The following ETS1 variants were observed in gnomAD, a reference collection of about 807,000 sequenced individuals.
ETS1 encodes the protein protein C-ets-1.
In ETS1, 15 loss-of-function variants were observed where a neutral mutation model predicts 58.6. The ratio of observed to expected loss-of-function variants is 0.26; its 90% CI spans 0.17 to 0.39. The LOEUF (loss-of-function observed/expected upper bound fraction) is 0.39, where lower values mean the gene tolerates loss of function less well. Ranked by LOEUF, ETS1 falls within the 10% of genes least tolerant of loss-of-function variation. ETS1 has a pLI of 1.00. For synonymous variants in ETS1, 214 were observed against 218.2 expected (o/e 0.98, Z 0.17); for missense variants, 417 against 610.5 (o/e 0.68, Z 3.34).
chr11:128,471,781 GAT>G (rs1470755637), intron 8 of ETS1, among the ~76,000 whole-genome samples: 1 of 152,188 alleles, frequency 6.6e-6, no homozygotes, highest in African/African-American at 2.4e-5. Flanking sequence ...AAGAAAGAAA[GAT>G]ATGTTCACTG....
At chr11:128,520,154 C>T (rs575927726) in intron 3 of ETS1, among the ~76,000 whole-genome samples, 1 of 152,286 alleles carries the variant, frequency 6.6e-6, no homozygotes, top group East Asian at 1.9e-4. Context: ...GAATAGAAAG[C>T]TAAAGAAAGT....
intron 2 of ETS1, among the ~76,000 whole-genome samples, chr11:128,561,714 A>C (rs780329470): frequency 2.6e-5 from 4 of 152,244 alleles, no homozygotes; most frequent in Non-Finnish European, 5.9e-5. Context: ...ATGTTTATGC[A>C]GTGAAAATGG....
rs1022766045 is a variant in ETS1 at position 128,569,504 on chromosome 11, G to A, written c.69+3558C>T. On this transcript the variant is annotated intron_variant, in intron 2 of 9. Coordinates refer to ENST00000392668, the MANE Select transcript of ETS1 (RefSeq NM_001143820.2). Reference sequence around the variant, plus strand: ...GACTTTCTTATCTAGGAAAGTTAATGAAGCTATGCTTACCCCTCCAGGGTA... The same window carrying A: ...GACTTTCTTATCTAGGAAAGTTAATAAAGCTATGCTTACCCCTCCAGGGTA... Among the ~76,000 whole-genome samples the A allele has an allele frequency of 4.0e-5, 6 of 151,576 alleles. 1 individual carries two copies. The highest frequency in any genetic ancestry group is 1.5e-4 in the African/African-American group (6 of 41,306).
chr11:128,571,515 A>G lies in ETS1; in HGVS notation c.69+1547T>C, dbSNP rs1859384663. On this transcript the variant is annotated intron_variant, in intron 2 of 9. Transcript: ENST00000392668. ...CAAGACTCCGTCAAAAAAAAAAAAAAAAAAAAAAAAAAAAAAAAAAAAAAA... is the reference window on the plus strand; with the variant it reads ...CAAGACTCCGTCAAAAAAAAAAAAAGAAAAAAAAAAAAAAAAAAAAAAAAA... 2.0e-3 allele frequency among the ~76,000 whole-genome samples: 18 copies of G among 9,098 alleles called. 2 individuals carry two copies. The highest frequency in any genetic ancestry group is 8.1e-3 in the African/African-American group (16 of 1,972). The allele number at this position is 9,098 out of a possible 152,430, so 6.0% of individuals were successfully genotyped here.
chr11:128,488,138 C>T (rs141949482), intron 5 of ETS1, among the ~76,000 whole-genome samples: 188 of 152,280 alleles, frequency 1.2e-3, no homozygotes, highest in South Asian at 3.7e-3. Flanking sequence ...CCTGCCGTAT[C>T]GTTTCCCTCT....
At chr11:128,490,648 G>A (rs1295663120) in intron 3 of ETS1, 72 bp from the exon 4 acceptor site, 8 of 1,274,212 alleles carry the variant, frequency 6.3e-6, no homozygotes, top group Non-Finnish European at 9.0e-6. Flanking sequence ...CATTACAAAT[G>A]GGCTGTAAGA....
chr11:128,499,341 C>G (rs1863026059), intron 3 of ETS1, among the ~76,000 whole-genome samples: 1 of 152,150 alleles, frequency 6.6e-6, no homozygotes, highest in Non-Finnish European at 1.5e-5. Flanking sequence ...CTATAATTAT[C>G]ATTCCTGCTA....
intron 8 of ETS1, among the ~76,000 whole-genome samples, chr11:128,478,335 GA>G: frequency 2.2e-5 from 1 of 45,274 alleles, no homozygotes; most frequent in Non-Finnish European, 5.3e-5. Flanking sequence ...AGGAAGGAAG[GA>G]AGGAGGAAGG....
intron 8 of ETS1, among the ~76,000 whole-genome samples, chr11:128,474,826 C>A (rs902857678): frequency 2.6e-5 from 4 of 151,136 alleles, no homozygotes; most frequent in African/African-American, 7.3e-5. Flanking sequence ...AGGGAAGACA[C>A]TCTGTTTCTG....
chr11:128,473,039 A>C (rs527640619), intron 8 of ETS1, among the ~76,000 whole-genome samples: 2 of 152,318 alleles, frequency 1.3e-5, no homozygotes, highest in Non-Finnish European at 2.9e-5. Flanking sequence ...AAAAGAAAAA[A>C]AAAAGTCTCG....
chr11:128,550,691 G>A (rs1864215358), intron 3 of ETS1, among the ~76,000 whole-genome samples: 1 of 152,154 alleles, frequency 6.6e-6, no homozygotes, highest in Non-Finnish European at 1.5e-5. Flanking sequence ...GGAACCTCAG[G>A]TAGGGTTACA....
chr11:128,482,584 G>A (rs2135446055), intron 7 of ETS1, among the ~76,000 whole-genome samples: 1 of 152,216 alleles, frequency 6.6e-6, no homozygotes, highest in Non-Finnish European at 1.5e-5. Flanking sequence ...CAAACATGAG[G>A]CAAATGCAAC....
intron 3 of ETS1, among the ~76,000 whole-genome samples, chr11:128,516,425 A>C (rs1465878466): frequency 6.6e-6 from 1 of 152,234 alleles, no homozygotes; most frequent in Non-Finnish European, 1.5e-5. Flanking sequence ...AAATGGAGCC[A>C]AGGTTTTCAT....
At chr11:128,484,181 C>T (rs147506087) in intron 7 of ETS1, among the ~76,000 whole-genome samples, 22 of 152,276 alleles carry the variant, frequency 1.4e-4, no homozygotes, top group East Asian at 1.3e-3. Flanking sequence ...ATAATAGTCA[C>T]GTTAACAAAA....
At chr11:128,523,339 T>C (rs879598080) in intron 3 of ETS1, among the ~76,000 whole-genome samples, 1 of 152,238 alleles carries the variant, frequency 6.6e-6, no homozygotes, top group Non-Finnish European at 1.5e-5. Context: ...CACTAATACA[T>C]TGGTTGTAAT....
intron 2 of ETS1, among the ~76,000 whole-genome samples, chr11:128,562,017 C>T (rs532838837): frequency 1.3e-5 from 2 of 152,070 alleles, no homozygotes; most frequent in African/African-American, 2.4e-5. Context: ...TGGTTGAAGA[C>T]GTAGGAGGAA....
chr11:128,566,789 A>T (rs2135570863), intron 2 of ETS1, among the ~76,000 whole-genome samples: 1 of 152,180 alleles, frequency 6.6e-6, no homozygotes, highest in African/African-American at 2.4e-5. Flanking sequence ...TCTCAAAAAA[A>T]AAAAAAAAAG....
At chr11:128,585,189 GGAAGGAAAGAAAGAAAGAAA>G (rs1169900750) in intron 1 of ETS1, among the ~76,000 whole-genome samples, 230 of 12,186 alleles carry the variant, frequency 0.019, 13 homozygotes, top group African/African-American at 0.082. Context: ...AAAGAAAGAA[GGAAGGAAAGAAAGAAAGAAA>G]GAAAGAAAGA....
chr11:128,487,113 C>T (rs1188082626), intron 5 of ETS1, among the ~76,000 whole-genome samples: 1 of 152,164 alleles, frequency 6.6e-6, no homozygotes, highest in Non-Finnish European at 1.5e-5. Context: ...TTTCACCTTC[C>T]ACCCCACCCC....
Sources: allele counts gnomAD v4.1 joint callset (sites outside exome capture counted in the v4.1 genomes callset), GRCh38; gene constraint gnomAD v4.1.1; transcripts MANE v1.5; gene names NCBI Gene and HGNC (gene_info 2026-07-23, HGNC 2026-07-21).